Variants in SLC17A4 observed in about 807,000 individuals in gnomAD.
SLC17A4 encodes the protein probable small intestine urate exporter.
Under a neutral mutation model 52.5 loss-of-function variants are expected in SLC17A4, and 33 were observed. That is an observed-to-expected ratio of 0.63 (90% confidence interval 0.48 to 0.84). SLC17A4 has a LOEUF of 0.84. SLC17A4 is among the 40% of genes least tolerant of loss of function. The pLI is 0.00. For missense variants in SLC17A4, 585 were observed against 597.1 expected (o/e 0.98, Z 0.21); for synonymous variants, 225 against 216.2 (o/e 1.04, Z -0.36).
chr6:25,761,329 G>A (rs1287633386), intron 1 of SLC17A4, among the ~76,000 whole-genome samples: 2 of 152,012 alleles, frequency 1.3e-5, no homozygotes, highest in African/African-American at 2.4e-5. Context: ...CCTTATAATC[G>A]CCTCCCTGGC....
intron 10 of SLC17A4, chr6:25,777,711 C>T (rs1295411639): frequency 2.2e-6 from 1 of 461,280 alleles, no homozygotes. Context: ...GTCCCTAGCA[C>T]AGGATTATAC....
Position 25,780,732 on chromosome 6 carries a change from T to A in SLC17A4, c.*1544T>A, listed in dbSNP as rs552268606. On this transcript the variant is annotated 3_prime_UTR_variant, in exon 12 of 12. Coordinates refer to ENST00000377905, the MANE Select transcript of SLC17A4 (RefSeq NM_005495.3). ...GTTGGAGTAGGAGCTTACAGTGTAG[T>A]CCAGGAGAGAACAATGGCCCCTGGC... The A allele has an allele frequency of 2.6e-5, 4 of 152,106 alleles. No homozygotes were observed. Among genetic ancestry groups the A allele is most frequent in the Non-Finnish European group, 5.9e-5 (4 of 68,052 alleles). 9.4% of individuals were successfully genotyped at this position (152,106 alleles called of 1,614,324 possible).
chr6:25,779,670 G>C lies in SLC17A4; in HGVS notation c.*482G>C, dbSNP rs1004011611. 1.3e-5 allele frequency: 2 copies of C among 153,798 alleles called. No homozygotes were observed. The highest frequency in any genetic ancestry group is 4.8e-5 in the African/African-American group (2 of 41,458). The allele number at this position is 153,798 out of a possible 1,614,324, so 9.5% of individuals were successfully genotyped here. A position where few individuals can be genotyped will look rare whatever the true frequency, so the allele number is the denominator to read the frequency against. ...TTCCATCATGATAAGAGGAATGAAC[G>C]TGTCTGCAACTAATGGGAGCAAGAT... On this transcript the variant is annotated 3_prime_UTR_variant, in exon 12 of 12. Transcript: ENST00000377905.
intron 6 of SLC17A4, 52 bp downstream of exon 6, chr6:25,771,064 C>A (rs1233437119): frequency 4.3e-6 from 6 of 1,410,768 alleles, no homozygotes; most frequent in Non-Finnish European, 6.0e-6. Flanking sequence ...TTCTGTGATG[C>A]AATTTATCTA....
chr6:25,776,831 GA>G lies in SLC17A4; in HGVS notation c.1141del (p.Ile381SerfsTer14). On this transcript the variant is annotated frameshift_variant, in exon 10 of 12. Transcript: ENST00000377905. LOFTEE classifies it high-confidence loss of function. ...TAIGVLFPSVILVSLPWVRSS... is the reference protein window; with the variant it reads ...TAIGVLFPSVXLVSLPWVRSS... ...CCCCAGGGGTTCTCTTCCCATCCGT[GA>G]TCCTCGTGTCCCTGCCCTGGGTCAG... The G allele has an allele frequency of 6.2e-7, 1 of 1,613,968 alleles. No individual in the cohort carries two copies. The highest frequency in any genetic ancestry group is 1.1e-5 in the South Asian group (1 of 91,086).
Position 25,773,644 on chromosome 6 carries a change from C to G in SLC17A4, c.957C>G (p.Ile319Met), listed in dbSNP as rs762929706. The change falls in exon 8 of 12, where the codon ATC (isoleucine) becomes ATG (methionine). Residue 319 changes from isoleucine to methionine, a missense_variant. By Grantham distance (10) the Ile-to-Met change is conservative. Transcript: ENST00000377905. ...YTIMAYTPTYISSVLQANLRD... is the reference protein window; with the variant it reads ...YTIMAYTPTYMSSVLQANLRD... ...TTATGGCGTACACACCAACGTACAT[C>G]AGCTCGGTACTTCAAGCCAACCTCA... The G allele has an allele frequency of 6.2e-7, 1 of 1,613,690 alleles. No homozygotes were observed. Among genetic ancestry groups the G allele is most frequent in the South Asian group, 1.1e-5 (1 of 91,026 alleles).
In SLC17A4 at chr6:25,780,093, C is replaced by T. The variant is rs1355987172; in HGVS notation, c.*905C>T. 2.0e-5 allele frequency: 3 copies of T among 152,194 alleles called. No homozygotes were observed. Among genetic ancestry groups the T allele is most frequent in the Non-Finnish European group, 4.4e-5 (3 of 68,042 alleles). The allele number at this position is 152,194 out of a possible 1,614,324, so 9.4% of individuals were successfully genotyped here. ...AGATGTATGTAAGACACACACTGCC[C>T]TAACCTCACTCCAAATGTCTGGAGA... On this transcript the variant is annotated 3_prime_UTR_variant, in exon 12 of 12. Transcript: ENST00000377905.
chr6:25,777,161 G>A (rs950364262), intron 10 of SLC17A4: 84 of 573,288 alleles, frequency 1.5e-4, no homozygotes, highest in African/African-American at 1.5e-3. Context: ...TTCTGGGCGT[G>A]AACAAGAGGA....
chr6:25,759,650 C>T (rs1761359646), intron 1 of SLC17A4, among the ~76,000 whole-genome samples: 2 of 152,134 alleles, frequency 1.3e-5, no homozygotes, highest in Non-Finnish European at 2.9e-5. Flanking sequence ...GAGACTCCGT[C>T]TCAAAAAACA....
intron 1 of SLC17A4, among the ~76,000 whole-genome samples, chr6:25,760,910 T>A (rs756210869): frequency 2.3e-4 from 35 of 152,238 alleles, no homozygotes; most frequent in Non-Finnish European, 3.8e-4. Flanking sequence ...GTTTATTCTA[T>A]TTTTGGAAGT....
chr6:25,776,573 T>C, intron 8 of SLC17A4, 22 bp from the exon 9 acceptor site: 1 of 1,581,342 alleles, frequency 6.3e-7, no homozygotes. Flanking sequence ...CACATGCACC[T>C]GACCTAGTCT....
At position 25,757,556 on chromosome 6, in the gene SLC17A4, C is replaced by G. The variant is rs1434702020; in HGVS notation, c.-37+2775C>G. On this transcript the variant is annotated intron_variant, in intron 1 of 11. Coordinates refer to ENST00000377905, the MANE Select transcript of SLC17A4 (RefSeq NM_005495.3). ...AAGTATACCTTCTTTCCCCTGCCCC[C>G]CAACCCGCTGCTCCAGTTTGGGCCT... Among the ~76,000 whole-genome samples, 8 of 152,210 alleles carry G rather than the reference C, an allele frequency of 5.3e-5. 1 individual carries two copies. The East Asian group carries it at 1.4e-3, about 26-fold the overall frequency.
chr6:25,770,185 A>G lies in SLC17A4; in HGVS notation c.416A>G (p.Tyr139Cys). The change falls in exon 4 of 12, where the codon TAT becomes TGT. Residue 139 changes from tyrosine (Y) to cysteine (C), a missense_variant. Tyr to Cys is a radical substitution (Grantham distance 194). Coordinates refer to ENST00000377905, the MANE Select transcript of SLC17A4 (RefSeq NM_005495.3). Reference sequence around the variant, plus strand: ...GTGGCTGGAATATTTGGAGCCAAGTATGTGGTTGGTGCTGGCTTGTTTATT... The same window carrying G: ...GTGGCTGGAATATTTGGAGCCAAGTGTGTGGTTGGTGCTGGCTTGTTTATT... ...GYVAGIFGAK[Y>C]VVGAGLFISS... 6.2e-7 allele frequency: 1 copy of G among 1,614,076 alleles called. No homozygotes were observed. The highest frequency in any genetic ancestry group is 8.5e-7 in the Non-Finnish European group (1 of 1,179,992).
chr6:25,770,461 T>G lies in SLC17A4; in HGVS notation c.609T>G (p.Ile203Met). 1 of 1,614,010 alleles carries G rather than the reference T, an allele frequency of 6.2e-7. No homozygotes were observed. Among genetic ancestry groups the G allele is most frequent in the African/African-American group, 1.3e-5 (1 of 75,018 alleles). ...TGGAAAGGAGTCAACTCACCACCAT[T>G]GCTGGATCAGGTAACTGGTACCCTA... The part of the protein sequence containing the change: ...PPLERSQLTT[I>M]AGSGSMLGSF... The change falls in exon 5 of 12, where the codon ATT (isoleucine) becomes ATG (methionine). Residue 203 changes from isoleucine to methionine, a missense_variant. Coordinates refer to ENST00000377905, the MANE Select transcript of SLC17A4 (RefSeq NM_005495.3).
intron 2 of SLC17A4, among the ~76,000 whole-genome samples, chr6:25,763,657 C>T (rs1241747352): frequency 1.3e-5 from 2 of 152,100 alleles, no homozygotes; most frequent in African/African-American, 4.8e-5. Context: ...GAGAAATGCC[C>T]CCTCCCCCAT....
Position 25,769,090 on chromosome 6 carries a change from A to G in SLC17A4, c.197A>G (p.Asn66Ser). The G allele has an allele frequency of 6.2e-7, 1 of 1,614,096 alleles. No homozygotes were observed. Among genetic ancestry groups the G allele is most frequent in the Non-Finnish European group, 8.5e-7 (1 of 1,179,944 alleles). Residue 66 changes from asparagine to serine, a missense_variant, in exon 3 of 12, where the codon AAC becomes AGC. Asn to Ser is a conservative substitution (Grantham distance 46). Coordinates refer to ENST00000377905, the MANE Select transcript of SLC17A4 (RefSeq NM_005495.3). ...NLSIAIPAMV[N>S]NTAPPSQPNA... is the part of the protein sequence containing the mutation. ...AGCATTGCCATCCCAGCTATGGTGA[A>G]CAACACAGCCCCACCTAGCCAGCCC... is the stretch of plus-strand genomic sequence containing the variant.
chr6:25,764,754 C>T (rs564958516), intron 2 of SLC17A4, among the ~76,000 whole-genome samples: 12 of 152,282 alleles, frequency 7.9e-5, no homozygotes, highest in African/African-American at 2.4e-4. Flanking sequence ...CTGGGTGAAG[C>T]GTGCATGGGT....
At chr6:25,772,854 T>C (rs1283833991) in intron 6 of SLC17A4, among the ~76,000 whole-genome samples, 2 of 152,162 alleles carry the variant, frequency 1.3e-5, no homozygotes, top group African/African-American at 4.8e-5. Context: ...TAATAGTTCA[T>C]TTCAAAACCT....
At chr6:25,778,347 C>T (rs1237752859) in intron 11 of SLC17A4, among the ~76,000 whole-genome samples, 1 of 151,668 alleles carries the variant, frequency 6.6e-6, no homozygotes, top group Non-Finnish European at 1.5e-5. Context: ...TGGTTTTTCA[C>T]TGGTAAATCA....
Sources: allele counts gnomAD v4.1 joint callset (sites outside exome capture counted in the v4.1 genomes callset), GRCh38; gene constraint gnomAD v4.1.1; transcripts MANE v1.5; gene names NCBI Gene and HGNC (gene_info 2026-07-23, HGNC 2026-07-21).